The following SLC1A2 variants were observed in gnomAD, a reference collection of about 807,000 sequenced individuals.
The protein encoded by SLC1A2 is excitatory amino acid transporter 2.
A neutral mutation model predicts 48.8 loss-of-function variants in SLC1A2; 15 were observed. The ratio of observed to expected loss-of-function variants is 0.31; its 90% CI spans 0.21 to 0.47. SLC1A2 has a LOEUF of 0.47. Ranked by LOEUF, SLC1A2 falls within the 20% of genes least tolerant of loss-of-function variation. SLC1A2 has a pLI of 0.99. For synonymous variants in SLC1A2, 279 were observed against 272.6 expected (o/e 1.02, Z -0.23); for missense variants, 502 against 730.5 (o/e 0.69, Z 3.61).
intron 9 of SLC1A2, among the ~76,000 whole-genome samples, chr11:35,271,275 TG>T (rs760287865): frequency 1.4e-4 from 21 of 152,158 alleles, no homozygotes; most frequent in Non-Finnish European, 2.5e-4. Context: ...CACAGATGGC[TG>T]GTAATATAGA....
At chr11:35,333,757 G>A (rs1852512054) in intron 1 of SLC1A2, among the ~76,000 whole-genome samples, 1 of 151,540 alleles carries the variant, frequency 6.6e-6, no homozygotes, top group Non-Finnish European at 1.5e-5. Context: ...TGCCTCCCAG[G>A]TTCAAGCAAT....
At chr11:35,357,678 C>T (rs1217891029) in intron 1 of SLC1A2, among the ~76,000 whole-genome samples, 1 of 152,148 alleles carries the variant, frequency 6.6e-6, no homozygotes, top group Non-Finnish European at 1.5e-5. Context: ...GAATTCCTTA[C>T]CCATATTCTC....
chr11:35,267,599 A>G (rs1236731211), intron 9 of SLC1A2, among the ~76,000 whole-genome samples: 1 of 152,142 alleles, frequency 6.6e-6, no homozygotes, highest in Non-Finnish European at 1.5e-5. Context: ...ATAGCACAAC[A>G]ATTCCTATGG....
At chr11:35,350,922 G>A (rs1853226862) in intron 1 of SLC1A2, among the ~76,000 whole-genome samples, 1 of 152,162 alleles carries the variant, frequency 6.6e-6, no homozygotes, top group Non-Finnish European at 1.5e-5. Flanking sequence ...TTCTCTCTGA[G>A]AGAACATATT....
rs540580377 is a variant in SLC1A2 at position 35,366,962 on chromosome 11, T to C, written c.18-49446A>G. 3.9e-5 allele frequency among the ~76,000 whole-genome samples: 6 copies of C among 152,330 alleles called. No homozygotes were observed. The East Asian group carries it at 5.8e-4, about 15-fold the overall frequency. ...CACTGAAACATGGGAGTGGTTGTTA[T>C]TGAAGCAGAACCTGGTCAAAGCTGA... On this transcript the variant is annotated intron_variant, in intron 1 of 10. Transcript: ENST00000278379.
intron 9 of SLC1A2, among the ~76,000 whole-genome samples, chr11:35,269,456 T>C (rs1044409484): frequency 6.6e-6 from 1 of 152,190 alleles, no homozygotes; most frequent in Non-Finnish European, 1.5e-5. Flanking sequence ...ATGTGCTGGG[T>C]CCTACCGTTT....
intron 10 of SLC1A2, chr11:35,264,069 A>G (rs1950439460): frequency 6.6e-6 from 1 of 152,234 alleles, no homozygotes; most frequent in African/African-American, 2.4e-5. Flanking sequence ...GTACATCTGA[A>G]TTTCTAATAA....
intron 4 of SLC1A2, among the ~76,000 whole-genome samples, chr11:35,311,406 T>A (rs550858014): frequency 5.9e-5 from 9 of 152,160 alleles, no homozygotes; most frequent in Non-Finnish European, 1.2e-4. Context: ...ATGATCCCCC[T>A]GCCTCGGCCT....
intron 1 of SLC1A2, among the ~76,000 whole-genome samples, chr11:35,397,252 G>A (rs1195144995): frequency 6.7e-6 from 1 of 148,424 alleles, no homozygotes; most frequent in Admixed American, 6.8e-5. Context: ...CAAAGCCGGA[G>A]GCATCACGCT....
At position 35,306,776 on chromosome 11, in the gene SLC1A2, G is replaced by C. The variant is rs144443121; in HGVS notation, c.562-534C>G. On this transcript the variant is annotated intron_variant, in intron 4 of 10. Transcript: ENST00000278379. ...TATTTTAGCTCCCACATATAAATGAGAAATGCAATATCTGTCTTTTTGTGC... is the reference window on the plus strand; with the variant it reads ...TATTTTAGCTCCCACATATAAATGACAAATGCAATATCTGTCTTTTTGTGC... Among the ~76,000 whole-genome samples the C allele has an allele frequency of 6.9e-3, 1,055 of 152,206 alleles. 6 individuals carry two copies. The highest frequency in any genetic ancestry group is 0.011 in the Non-Finnish European group (725 of 68,008).
Position 35,419,136 on chromosome 11 carries a change from A to T in SLC1A2, c.-170T>A. The T allele has an allele frequency of 1.9e-6, 1 of 518,382 alleles. No homozygotes were observed. The highest frequency in any genetic ancestry group is 3.4e-6 in the Non-Finnish European group (1 of 296,300). 32.1% of individuals were successfully genotyped at this position (518,382 alleles called of 1,614,324 possible). The stretch of plus-strand genomic sequence containing the variant: ...AGCCCTTTAGCGCCTCAACGGGCGC[A>T]GGAGGCTCCTGCGGGCGCTAATCCG... On this transcript the variant is annotated 5_prime_UTR_variant, in exon 1 of 11. Transcript: ENST00000278379. This position sits in a 1 kb window ranked among gnomAD's most constrained non-coding sequence, Gnocchi z 5.4.
intron 1 of SLC1A2, among the ~76,000 whole-genome samples, chr11:35,417,572 A>G (rs552215210): frequency 6.6e-6 from 1 of 152,140 alleles, no homozygotes; most frequent in Non-Finnish European, 1.5e-5. Flanking sequence ...ATTTCTAGAG[A>G]TCTGTTTTAG....
intron 1 of SLC1A2, among the ~76,000 whole-genome samples, chr11:35,383,513 T>A (rs1217086370): frequency 6.6e-6 from 1 of 152,188 alleles, no homozygotes; most frequent in Admixed American, 6.5e-5. Flanking sequence ...TGGATTCTGG[T>A]TCTGCTCCTC....
At chr11:35,269,741 T>C (rs542847125) in intron 9 of SLC1A2, among the ~76,000 whole-genome samples, 1 of 152,252 alleles carries the variant, frequency 6.6e-6, no homozygotes, top group Admixed American at 6.5e-5. Context: ...CAAATCTCCT[T>C]GAATTTGAAA....
intron 1 of SLC1A2, among the ~76,000 whole-genome samples, chr11:35,396,699 A>T (rs1763626734): frequency 6.6e-6 from 1 of 151,722 alleles, no homozygotes; most frequent in African/African-American, 2.4e-5. Flanking sequence ...CCATTTGTCA[A>T]TTTTTTCTTT....
intron 1 of SLC1A2, among the ~76,000 whole-genome samples, chr11:35,328,304 G>A (rs890052790): frequency 6.6e-6 from 1 of 152,192 alleles, no homozygotes; most frequent in Non-Finnish European, 1.5e-5. Context: ...TCCCCCATCA[G>A]AGGGACCCTA....
At chr11:35,411,660 C>T (rs1477620060) in intron 1 of SLC1A2, among the ~76,000 whole-genome samples, 1 of 152,192 alleles carries the variant, frequency 6.6e-6, no homozygotes, top group African/African-American at 2.4e-5. Flanking sequence ...TAAACACAAT[C>T]TGCAGCAGTT....
chr11:35,341,255 G>A (rs145204848), intron 1 of SLC1A2, among the ~76,000 whole-genome samples: 5 of 152,200 alleles, frequency 3.3e-5, no homozygotes, highest in Admixed American at 2.6e-4. Context: ...TGGGGGTAAC[G>A]AGACTTAAGA....
chr11:35,357,034 G>T (rs570904039), intron 1 of SLC1A2, among the ~76,000 whole-genome samples: 3 of 152,166 alleles, frequency 2.0e-5, no homozygotes, highest in African/African-American at 7.2e-5. Context: ...GAGGTCAGGA[G>T]ATCGAGACCA....
Sources: gnomAD v4.1 joint callset for allele counts (sites outside exome capture counted in the v4.1 genomes callset) on GRCh38, gnomAD v4.1.1 for gene constraint, Gnocchi (gnomAD v3.1) non-coding constraint, MANE v1.5 for transcripts, NCBI Gene and HGNC (gene_info 2026-07-23, HGNC 2026-07-21) for gene names.